The following TRPC3 variants were observed in gnomAD, a reference collection of about 807,000 sequenced individuals.
TRPC3 encodes the protein transient receptor potential cation channel subfamily C member 3.
In TRPC3, 54 loss-of-function variants were observed where a neutral mutation model predicts 90.9. That is an observed-to-expected ratio of 0.59 (90% CI 0.48 to 0.75). The LOEUF (loss-of-function observed/expected upper bound fraction) is 0.75, where lower values mean the gene tolerates loss of function less well. Ranked by LOEUF, TRPC3 falls within the 30% of genes least tolerant of loss-of-function variation. The pLI is 0.00. For missense variants in TRPC3, 918 were observed against 1,194.5 expected (o/e 0.77, Z 3.41); for synonymous variants, 424 against 450.9 (o/e 0.94, Z 0.75).
chr4:121,951,808 C>G lies in TRPC3; in HGVS notation c.-128G>C. ...TTCCGGGGCCCCGGGCGGCCCAGGG[C>G]GGGAAGGCAGGAGCGGAGAGCGTCG... On this transcript the variant is annotated 5_prime_UTR_variant, in exon 1 of 12. Transcript: ENST00000379645. This position sits in a 1 kb window ranked among gnomAD's most constrained non-coding sequence, Gnocchi z 4.4. 1 of 707,076 alleles carries G rather than the reference C, an allele frequency of 1.4e-6. No individual in the cohort carries two copies. The highest frequency in any genetic ancestry group is 3.5e-5 in the East Asian group (1 of 28,728). 43.8% of individuals were successfully genotyped at this position (707,076 alleles called of 1,614,324 possible).
chr4:121,928,009 C>G (rs1460565678), intron 2 of TRPC3, among the ~76,000 whole-genome samples: 1 of 152,002 alleles, frequency 6.6e-6, no homozygotes, highest in East Asian at 1.9e-4. Context: ...ATGAAATTTC[C>G]TCATGTTATT....
At chr4:121,912,920 T>C (rs1341375590) in intron 4 of TRPC3, among the ~76,000 whole-genome samples, 5 of 152,230 alleles carry the variant, frequency 3.3e-5, no homozygotes, top group Non-Finnish European at 7.3e-5. Flanking sequence ...ATTAGGTACA[T>C]TTGGTAGATT....
chr4:121,935,669 A>T (rs1386658521), intron 1 of TRPC3, among the ~76,000 whole-genome samples: 2 of 152,172 alleles, frequency 1.3e-5, no homozygotes, highest in African/African-American at 4.8e-5. Flanking sequence ...TGTTGTATAA[A>T]ATATTATATA....
At chr4:121,880,776 A>G (rs1163187087) in intron 11 of TRPC3, among the ~76,000 whole-genome samples, 2 of 152,130 alleles carry the variant, frequency 1.3e-5, no homozygotes, top group African/African-American at 4.8e-5. Context: ...CAAACCATTG[A>G]CTTAGGTTTT....
intron 4 of TRPC3, among the ~76,000 whole-genome samples, chr4:121,912,440 A>G (rs1244903998): frequency 6.6e-6 from 1 of 152,128 alleles, no homozygotes; most frequent in Non-Finnish European, 1.5e-5. Flanking sequence ...GGAAAAAGAA[A>G]TTTCAACTTT....
intron 3 of TRPC3, among the ~76,000 whole-genome samples, chr4:121,920,624 T>C (rs570030367): frequency 6.6e-6 from 1 of 152,334 alleles, no homozygotes; most frequent in East Asian, 1.9e-4. Context: ...ACTATCAGCA[T>C]TGAGAATTGT....
chr4:121,934,169 T>A (rs1253891923), intron 1 of TRPC3, among the ~76,000 whole-genome samples: 1 of 152,236 alleles, frequency 6.6e-6, no homozygotes, highest in South Asian at 2.1e-4. Flanking sequence ...TTAATTTCTG[T>A]GATGTTAGGT....
At chr4:121,926,303 C>T (rs979214660) in intron 2 of TRPC3, among the ~76,000 whole-genome samples, 1 of 152,150 alleles carries the variant, frequency 6.6e-6, no homozygotes, top group African/African-American at 2.4e-5. Flanking sequence ...CTTTAAAAAC[C>T]TTGTCTTTCT....
Position 121,907,320 on chromosome 4 carries a change from A to C in TRPC3, c.2040T>G (p.Val680=), listed in dbSNP as rs938373017. The change falls in exon 7 of 12, where the codon GTT becomes GTG. Residue 680 remains valine (V), a synonymous_variant. Transcript: ENST00000379645. ...TTACTTACGTGGTAAAAGCAGCATT[A>C]ACTTTAGCCCCAAGGTAGTAAGAAT... The part of the protein sequence containing the change: ...ILYSYYLGAK[V]NAAFTTVEES... The C allele has an allele frequency of 1.9e-6, 3 of 1,609,564 alleles. No homozygotes were observed. Among genetic ancestry groups the C allele is most frequent in the Non-Finnish European group, 1.7e-6 (2 of 1,178,460 alleles).
chr4:121,947,950 C>T (rs1578662914), intron 1 of TRPC3, among the ~76,000 whole-genome samples: 1 of 152,038 alleles, frequency 6.6e-6, no homozygotes, highest in African/African-American at 2.4e-5. Context: ...GAGTGTGCAT[C>T]GATGTTATTT....
chr4:121,888,281 A>G (rs920058683), intron 10 of TRPC3, among the ~76,000 whole-genome samples: 2 of 152,208 alleles, frequency 1.3e-5, no homozygotes, highest in African/African-American at 4.8e-5. Context: ...ACATAAGGTG[A>G]TGACCCTATT....
chr4:121,897,294 A>T (rs1318164432), intron 10 of TRPC3, among the ~76,000 whole-genome samples: 1 of 151,894 alleles, frequency 6.6e-6, no homozygotes, highest in Non-Finnish European at 1.5e-5. Flanking sequence ...AACATATGGG[A>T]TCATACCAAA....
intron 11 of TRPC3, 97 bp from the exon 12 acceptor site, chr4:121,879,975 A>T: frequency 9.0e-6 from 11 of 1,224,292 alleles, no homozygotes; most frequent in Non-Finnish European, 1.2e-5. Context: ...TATTTGCTTC[A>T]TAAGGTCTCC....
At chr4:121,880,210 C>G (rs1727893461) in intron 11 of TRPC3, among the ~76,000 whole-genome samples, 1 of 152,102 alleles carries the variant, frequency 6.6e-6, no homozygotes, top group Admixed American at 6.5e-5. Flanking sequence ...AAGGGAGTCC[C>G]TTTGTTTCTT....
intron 1 of TRPC3, among the ~76,000 whole-genome samples, chr4:121,942,426 G>A (rs1357399316): frequency 6.6e-6 from 1 of 152,124 alleles, no homozygotes; most frequent in Non-Finnish European, 1.5e-5. Context: ...GCTGGGCATG[G>A]TGGTGCATGC....
Position 121,875,383 on chromosome 4 carries a change from T to C in TRPC3, c.*4353A>G. Among the ~76,000 whole-genome samples the C allele has an allele frequency of 6.6e-6, 1 of 152,244 alleles. No homozygotes were observed. The highest frequency in any genetic ancestry group is 1.5e-5 in the Non-Finnish European group (1 of 68,038). ...TTTATTATTTTTAAAGTACATACTA[T>C]GTTTTGTTTCTAAATGATTAGTAAA... On this transcript the variant is annotated 3_prime_UTR_variant, in exon 12 of 12. Coordinates refer to ENST00000379645, the MANE Select transcript of TRPC3 (RefSeq NM_001130698.2).
chr4:121,887,966 A>G (rs1728187680), intron 10 of TRPC3, among the ~76,000 whole-genome samples: 1 of 151,730 alleles, frequency 6.6e-6, no homozygotes, highest in Non-Finnish European at 1.5e-5. Context: ...TAATTTTAAT[A>G]TAAATACCAC....
intron 4 of TRPC3, 74 bp downstream of exon 4, chr4:121,914,706 G>T: frequency 2.2e-6 from 3 of 1,389,434 alleles, no homozygotes; most frequent in South Asian, 3.8e-5. Context: ...TCTTAAGCAT[G>T]AAGCTTTTTA....
intron 10 of TRPC3, among the ~76,000 whole-genome samples, chr4:121,898,033 A>G (rs1439264372): frequency 6.6e-6 from 1 of 152,228 alleles, no homozygotes; most frequent in Non-Finnish European, 1.5e-5. Context: ...CATTATGTCA[A>G]GTGAAATAAG....
Sources: gnomAD v4.1 joint callset for allele counts (sites outside exome capture counted in the v4.1 genomes callset) on GRCh38, gnomAD v4.1.1 for gene constraint, Gnocchi (gnomAD v3.1) non-coding constraint, MANE v1.5 for transcripts, NCBI Gene and HGNC (gene_info 2026-07-23, HGNC 2026-07-21) for gene names.